The following HMOX2 variants were observed in gnomAD, a reference collection of about 807,000 sequenced individuals.
HMOX2 encodes heme oxygenase (decycling) 2.
HMOX2 carries 30 observed loss-of-function variants against 33.7 expected under a neutral mutation model. The observed-to-expected ratio is 0.89, with a 90% confidence interval of 0.67 to 1.21. The LOEUF is 1.21. Among genes scored for constraint, HMOX2 ranks in the 50% most tolerant of loss-of-function variants. The pLI is 0.00. For synonymous variants in HMOX2, 155 were observed against 155.0 expected (o/e 1.00, Z 0.00); for missense variants, 403 against 399.1 (o/e 1.01, Z -0.08).
At chr16:4,508,917 C>T (rs1201792073) in intron 4 of HMOX2, among the ~76,000 whole-genome samples, 2 of 152,178 alleles carry the variant, frequency 1.3e-5, no homozygotes, top group Non-Finnish European at 2.9e-5. Context: ...GTACCAATAT[C>T]CACACCTCCC....
At chr16:4,486,994 C>T (rs1490475889) in intron 1 of HMOX2, among the ~76,000 whole-genome samples, 1 of 151,992 alleles carries the variant, frequency 6.6e-6, no homozygotes, top group Non-Finnish European at 1.5e-5. Flanking sequence ...GCGTGGTGGC[C>T]CACGCCTGTA....
At chr16:4,475,076 C>G (rs368137639), upstream of HMOX2, among the ~76,000 whole-genome samples, 26 of 150,884 alleles carry the variant, frequency 1.7e-4, no homozygotes, top group East Asian at 2.0e-3. Context: ...CTCAGCCTCC[C>G]GAGTAGCTGG....
intron 1 of HMOX2, among the ~76,000 whole-genome samples, chr16:4,490,924 G>C (rs1044672420): frequency 1.3e-5 from 2 of 152,182 alleles, no homozygotes; most frequent in Non-Finnish European, 2.9e-5. Context: ...GTATGTGTGT[G>C]TGTGTGTGCG....
At chr16:4,491,565 T>A (rs1273508848) in intron 1 of HMOX2, among the ~76,000 whole-genome samples, 3 of 151,934 alleles carry the variant, frequency 2.0e-5, no homozygotes, top group Non-Finnish European at 4.4e-5. Context: ...GGTGGGAGGA[T>A]CACTTGAGCT....
Position 4,502,495 on chromosome 16 carries a change from ACCCTCAGCCTGGTGTGTGTGTG to A in HMOX2, c.-41-2975_-41-2954del, listed in dbSNP as rs566519185. The stretch of plus-strand genomic sequence containing the variant: ...GGGCCTGTGGTCCTGGGGTACCTGG[ACCCTCAGCCTGGTGTGTGTGTG>A]CCCTCAGCCTGGTCCTTTACTTCCA... On this transcript the variant is annotated intron_variant, in intron 1 of 5. Transcript: ENST00000570646. Among the ~76,000 whole-genome samples, 36 of 151,806 alleles carry A rather than the reference ACCCTCAGCCTGGTGTGTGTGTG, an allele frequency of 2.4e-4. No individual in the cohort carries two copies. In the East Asian group the frequency reaches 6.6e-3, roughly 28 times the overall value.
Position 4,505,587 on chromosome 16 carries a change from C to T in HMOX2, c.63C>T (p.Ala21=). ...AGTCAGAAAAAAAGAACTCTGGGGC[C>T]CTAGAAAAGGAGAACCAAATGAGGT... The part of the protein sequence containing the change: ...VDESEKKNSG[A]LEKENQMRMA... The change falls in exon 2 of 6, where the codon GCC becomes GCT. Residue 21 remains alanine (A), a synonymous_variant. Transcript: ENST00000570646. 2 of 1,600,234 alleles carry T rather than the reference C, an allele frequency of 1.2e-6. No homozygotes were observed. Among genetic ancestry groups the T allele is most frequent in the Non-Finnish European group, 1.7e-6 (2 of 1,172,788 alleles).
At position 4,510,328 on chromosome 16, in the gene HMOX2, A is replaced by ATT. The variant is rs2058807450; in HGVS notation, c.*572_*573insTT. ...CTGTGTAAATGCTCCAGCACTCAAT[A>ATT]AAGTGGGCTTTGCAAGCTACCTCCT... On this transcript the variant is annotated 3_prime_UTR_variant, in exon 6 of 6. Coordinates refer to ENST00000570646, the MANE Select transcript of HMOX2 (RefSeq NM_002134.4). 1 of 154,922 alleles carries ATT rather than the reference A, an allele frequency of 6.5e-6. No homozygotes were observed. The highest frequency in any genetic ancestry group is 2.4e-5 in the African/African-American group (1 of 41,526). 9.6% of individuals were successfully genotyped at this position (154,922 alleles called of 1,614,324 possible).
intron 1 of HMOX2, among the ~76,000 whole-genome samples, chr16:4,504,682 CTTTTTTTTTTTTTT>C (rs56922429): frequency 3.0e-5 from 2 of 65,838 alleles, no homozygotes; most frequent in East Asian, 4.0e-4. Context: ...TTGATACGGT[CTTTTTTTTTTTTTT>C]TTTTTTTTTT....
chr16:4,491,449 A>G (rs938843910), intron 1 of HMOX2, among the ~76,000 whole-genome samples: 1 of 152,104 alleles, frequency 6.6e-6, no homozygotes, highest in South Asian at 2.1e-4. Context: ...CAGGAGTTCA[A>G]CACTCGCCTG....
At chr16:4,484,710 C>A (rs920341297) in intron 1 of HMOX2, among the ~76,000 whole-genome samples, 1 of 151,966 alleles carries the variant, frequency 6.6e-6, no homozygotes, top group Non-Finnish European at 1.5e-5. Flanking sequence ...AGCCGCCTGC[C>A]GCGGGCTCCC....
chr16:4,487,122 G>A (rs1470113513), intron 1 of HMOX2, among the ~76,000 whole-genome samples: 2 of 152,104 alleles, frequency 1.3e-5, no homozygotes, highest in Non-Finnish European at 2.9e-5. Context: ...AGCTAGACAT[G>A]GTAGTGAATG....
intron 1 of HMOX2, among the ~76,000 whole-genome samples, chr16:4,492,611 CG>C (rs926452072): frequency 3.9e-5 from 6 of 151,920 alleles, no homozygotes; most frequent in African/African-American, 1.5e-4. Context: ...CCCTACTACT[CG>C]GGAGTCTGAG....
rs1654798153 is a variant in HMOX2 at position 4,505,412 on chromosome 16, A to G, written c.-41-72A>G. The G allele has an allele frequency of 7.2e-6, 5 of 694,846 alleles. No individual in the cohort carries two copies. The Admixed American group carries it at 1.4e-4, about 19-fold the overall frequency. 43.0% of individuals were successfully genotyped at this position (694,846 alleles called of 1,614,324 possible). A position where few individuals can be genotyped will look rare whatever the true frequency, so the allele number is the denominator to read the frequency against. ...CCTTGGTTACATTCGCTCTGAGGAA[A>G]GCAGAACCGACAGGTATTTGGGGAA... On this transcript the variant is annotated intron_variant, in intron 1 of 5. Transcript: ENST00000570646.
At chr16:4,479,773 C>G (rs1225089234) in intron 1 of HMOX2, among the ~76,000 whole-genome samples, 1 of 115,934 alleles carries the variant, frequency 8.6e-6, no homozygotes, top group Non-Finnish European at 1.7e-5. Context: ...CAGTCTTGCT[C>G]TGTCACCCAG....
At chr16:4,507,051 G>T in intron 3 of HMOX2, 39 bp downstream of exon 3, 2 of 1,349,936 alleles carry the variant, frequency 1.5e-6, no homozygotes, top group Non-Finnish European at 2.1e-6. Context: ...GTCATATGGG[G>T]TTGGGGTGGG....
chr16:4,505,928 C>T (rs759034831), intron 2 of HMOX2, among the ~76,000 whole-genome samples: 49 of 152,162 alleles, frequency 3.2e-4, no homozygotes, highest in Middle Eastern at 3.2e-3. Flanking sequence ...TAAACGCAGG[C>T]AAAGCTGGCT....
At chr16:4,491,452 C>T (rs1483512371) in intron 1 of HMOX2, among the ~76,000 whole-genome samples, 1 of 152,038 alleles carries the variant, frequency 6.6e-6, no homozygotes, top group East Asian at 2.0e-4. Context: ...GAGTTCAACA[C>T]TCGCCTGGGC....
At chr16:4,481,553 G>C (rs2058032823) in intron 1 of HMOX2, among the ~76,000 whole-genome samples, 1 of 151,970 alleles carries the variant, frequency 6.6e-6, no homozygotes, top group South Asian at 2.1e-4. Flanking sequence ...CTGGAAAGTC[G>C]GGTACATAAA....
At chr16:4,477,436 T>G (rs1323797965) in intron 1 of HMOX2, among the ~76,000 whole-genome samples, 1 of 143,420 alleles carries the variant, frequency 7.0e-6, no homozygotes, top group East Asian at 2.1e-4. Context: ...GAGGCAGAGG[T>G]TGCAGTGAGC....
Sources: allele counts gnomAD v4.1 joint callset (sites outside exome capture counted in the v4.1 genomes callset), GRCh38; gene constraint gnomAD v4.1.1; transcripts MANE v1.5; gene names NCBI Gene and HGNC (gene_info 2026-07-23, HGNC 2026-07-21).